Variants in SLC68A1 observed in about 807,000 individuals in gnomAD.
The protein encoded by SLC68A1 is major facilitator superfamily domain containing 13A.
At chr10:102,476,872 T>C in the SLC68A1 span, 1 of 985,552 alleles carries the variant, frequency 1.0e-6, no homozygotes, top group South Asian at 4.7e-5. Flanking sequence ...TGACTGTAAG[T>C]CCCACCTCCC....
At chr10:102,465,548 T>C in the SLC68A1 span, among the ~76,000 whole-genome samples, 1 of 152,168 alleles carries the variant, frequency 6.6e-6, no homozygotes, top group African/African-American at 2.4e-5. Flanking sequence ...CCCCACTTTG[T>C]GGGCGAGGAG....
chr10:102,468,019 G>C, the SLC68A1 span, among the ~76,000 whole-genome samples: 1 of 132,110 alleles, frequency 7.6e-6, no homozygotes, highest in Non-Finnish European at 1.7e-5. Context: ...CTTGGGAAAT[G>C]CAACATTTGG....
chr10:102,475,811 C>G, the SLC68A1 span: 1 of 1,614,102 alleles, frequency 6.2e-7, no homozygotes, highest in Non-Finnish European at 8.5e-7. Context: ...TGCACAGGCC[C>G]CGACGCTCCG....
At chr10:102,470,517 C>A in the SLC68A1 span, 2 of 1,306,078 alleles carry the variant, frequency 1.5e-6, no homozygotes, top group Non-Finnish European at 2.1e-6. Flanking sequence ...TCCTAAGTTG[C>A]AGACTGGGGA....
the SLC68A1 span, chr10:102,469,017 TG>T: frequency 1.9e-5 from 30 of 1,608,524 alleles, no homozygotes; most frequent in Non-Finnish European, 2.5e-5. Context: ...GGGCTAAGGC[TG>T]GGGCTGCAGC....
At chr10:102,468,678 A>AAG in the SLC68A1 span, 1 of 195,542 alleles carries the variant, frequency 5.1e-6, no homozygotes, top group Non-Finnish European at 1.1e-5. Flanking sequence ...AAAAAAAAAA[A>AAG]AAGACATCGA....
At chr10:102,476,950 GCCT>G in the SLC68A1 span, 1 of 985,794 alleles carries the variant, frequency 1.0e-6, no homozygotes. Flanking sequence ...GAAGTGGCAT[GCCT>G]CCTCTGCTGC....
chr10:102,475,280 A>T, the SLC68A1 span, among the ~76,000 whole-genome samples: 1 of 145,374 alleles, frequency 6.9e-6, no homozygotes, highest in Non-Finnish European at 1.5e-5. Context: ...TAGGTGACAG[A>T]GCGAGACTCC....
chr10:102,476,619 C>G, the SLC68A1 span: 6 of 986,104 alleles, frequency 6.1e-6, no homozygotes, highest in Non-Finnish European at 6.0e-6. Context: ...GTGAAAGTCT[C>G]TGCTTACCTG....
At chr10:102,471,341 G>A in the SLC68A1 span, 1,500 of 1,613,846 alleles carry the variant, frequency 9.3e-4, 1 homozygote, top group Non-Finnish European at 1.2e-3. Context: ...CGGTATCTCC[G>A]GCAGCTGGCA....
chr10:102,468,705 C>T, the SLC68A1 span: 10 of 237,434 alleles, frequency 4.2e-5, no homozygotes, highest in Admixed American at 5.1e-5. Flanking sequence ...AGCCCTGGCA[C>T]GCGACCTGGC....
Sources: allele counts gnomAD v4.1 joint callset (sites outside exome capture counted in the v4.1 genomes callset), GRCh38; gene constraint gnomAD v4.1.1; transcripts MANE v1.5; gene names NCBI Gene and HGNC (gene_info 2026-07-23, HGNC 2026-07-21).